The following DNAJC3 variants were observed in gnomAD, a reference collection of about 807,000 sequenced individuals.
DNAJC3 encodes the protein dnaJ homolog subfamily C member 3.
A neutral mutation model predicts 68.6 loss-of-function variants in DNAJC3; 38 were observed. That is an observed-to-expected ratio of 0.55 (90% CI 0.43 to 0.73). The LOEUF is 0.73. Ranked by LOEUF, DNAJC3 falls within the 30% of genes least tolerant of loss-of-function variation. The pLI is 0.00. For synonymous variants in DNAJC3, 203 were observed against 204.0 expected (o/e 1.00, Z 0.04); for missense variants, 526 against 591.9 (o/e 0.89, Z 1.16).
At chr13:95,764,545 C>T (rs1171072344) in intron 9 of DNAJC3, among the ~76,000 whole-genome samples, 3 of 148,144 alleles carry the variant, frequency 2.0e-5, no homozygotes, top group Non-Finnish European at 4.5e-5. Context: ...ACAAGAGATT[C>T]CTGCCAGATG....
At chr13:95,699,704 G>A (rs574320554) in intron 1 of DNAJC3, among the ~76,000 whole-genome samples, 2 of 152,164 alleles carry the variant, frequency 1.3e-5, no homozygotes, top group East Asian at 1.9e-4. Context: ...TATGAAAGAC[G>A]TTTACTTCCT....
intron 4 of DNAJC3, among the ~76,000 whole-genome samples, chr13:95,731,901 A>ATTTT (rs777968421): frequency 1.6e-5 from 2 of 123,944 alleles, no homozygotes; most frequent in African/African-American, 3.2e-5. Flanking sequence ...CGCCTGGCTA[A>ATTTT]TTTTTTTTTT....
chr13:95,777,247 G>A (rs938635754), intron 9 of DNAJC3, among the ~76,000 whole-genome samples: 24 of 152,242 alleles, frequency 1.6e-4, no homozygotes, highest in African/African-American at 5.8e-4. Flanking sequence ...CTAATGTTAT[G>A]GAAAACCTGG....
chr13:95,701,108 G>T (rs1880574831), intron 1 of DNAJC3, among the ~76,000 whole-genome samples: 1 of 152,086 alleles, frequency 6.6e-6, no homozygotes, highest in South Asian at 2.1e-4. Flanking sequence ...CAGGTTTCAG[G>T]TGAGCCTTCA....
At chr13:95,736,958 T>A (rs1388681003) in intron 4 of DNAJC3, among the ~76,000 whole-genome samples, 1 of 151,340 alleles carries the variant, frequency 6.6e-6, no homozygotes, top group Non-Finnish European at 1.5e-5. Flanking sequence ...GCTGTGGGTT[T>A]GTCATAGATA....
Position 95,737,172 on chromosome 13 carries a change from C to A in DNAJC3, c.393+11920C>A, listed in dbSNP as rs1458043936. On this transcript the variant is annotated intron_variant, in intron 4 of 11. Coordinates refer to ENST00000602402, the MANE Select transcript of DNAJC3 (RefSeq NM_006260.5). ...AGCCTTGCATCCCAGGGATGAAGCC[C>A]ACTTGATCATGGTGGAGAAGCTTTT... 2.0e-5 allele frequency among the ~76,000 whole-genome samples: 3 copies of A among 150,992 alleles called. No homozygotes were observed. The South Asian group carries it at 6.3e-4, about 32-fold the overall frequency.
intron 3 of DNAJC3, 75 bp downstream of exon 3, chr13:95,723,441 G>A: frequency 1.3e-6 from 2 of 1,501,452 alleles, no homozygotes; most frequent in Non-Finnish European, 9.0e-7. Context: ...CATAAGGTGA[G>A]GACTGGCATG....
chr13:95,680,051 G>A (rs1870723176), intron 1 of DNAJC3, among the ~76,000 whole-genome samples: 1 of 152,206 alleles, frequency 6.6e-6, no homozygotes. Context: ...GTTTGAAAGA[G>A]TGAAGTCTAA....
chr13:95,739,767 G>A (rs1468813359), intron 4 of DNAJC3, among the ~76,000 whole-genome samples: 6 of 151,786 alleles, frequency 4.0e-5, no homozygotes, highest in South Asian at 2.1e-4. Context: ...ATGTCCTCCC[G>A]TAGCTCAGAG....
intron 9 of DNAJC3, among the ~76,000 whole-genome samples, chr13:95,767,846 C>T (rs1883040813): frequency 6.6e-6 from 1 of 151,404 alleles, no homozygotes; most frequent in African/African-American, 2.4e-5. Flanking sequence ...TGCACCACCA[C>T]ACCTGGCTTT....
At chr13:95,682,518 A>G (rs1879946493) in intron 1 of DNAJC3, among the ~76,000 whole-genome samples, 2 of 152,278 alleles carry the variant, frequency 1.3e-5, no homozygotes, top group South Asian at 4.1e-4. Context: ...CCAAAATATA[A>G]GATATTCTAA....
At chr13:95,779,420 G>A (rs887680803) in intron 9 of DNAJC3, among the ~76,000 whole-genome samples, 6 of 152,106 alleles carry the variant, frequency 3.9e-5, no homozygotes, top group East Asian at 1.9e-4. Flanking sequence ...CATCGCGCCC[G>A]GCCTAATATT....
chr13:95,705,744 G>A (rs1446222479), intron 1 of DNAJC3, among the ~76,000 whole-genome samples: 1 of 151,992 alleles, frequency 6.6e-6, no homozygotes, highest in African/African-American at 2.4e-5. Flanking sequence ...TCATTATGTT[G>A]CCCGGGCTGC....
chr13:95,760,805 A>C lies in DNAJC3; in HGVS notation c.848+7A>C. 3 of 1,609,592 alleles carry C rather than the reference A, an allele frequency of 1.9e-6. No individual in the cohort carries two copies. Among genetic ancestry groups the C allele is most frequent in the East Asian group, 4.5e-5 (2 of 44,634 alleles). On this transcript the variant is annotated splice_region_variant and intron_variant, in intron 7 of 11. Coordinates refer to ENST00000602402, the MANE Select transcript of DNAJC3 (RefSeq NM_006260.5). ...AGCTCATCAGAGATGGCAGGTGAGA[A>C]TATGGTTGTTCCAACTGTCCAGCCA...
chr13:95,709,086 C>G (rs1880862901), intron 1 of DNAJC3, 141 bp from the exon 2 acceptor site: 1 of 518,916 alleles, frequency 1.9e-6, no homozygotes, highest in African/African-American at 2.0e-5. Context: ...ATGTTACGTT[C>G]TTTACATCAT....
rs538797336 is a variant in DNAJC3 at position 95,718,640 on chromosome 13, A to C, written c.194-4602A>C. ...GGTCTCGAACTCCTGGCCTCAAGTG[A>C]TCCACCCGCCTTGGCCTCCCAAAAT... On this transcript the variant is annotated intron_variant, in intron 2 of 11. Coordinates refer to ENST00000602402, the MANE Select transcript of DNAJC3 (RefSeq NM_006260.5). 5.1e-4 allele frequency among the ~76,000 whole-genome samples: 78 copies of C among 152,300 alleles called. 1 individual carries two copies. The highest frequency in any genetic ancestry group is 8.8e-4 in the Non-Finnish European group (60 of 68,030).
intron 4 of DNAJC3, among the ~76,000 whole-genome samples, chr13:95,727,460 T>C (rs1881568417): frequency 6.6e-6 from 1 of 152,248 alleles, no homozygotes; most frequent in East Asian, 1.9e-4. Flanking sequence ...AAGCAAACTA[T>C]TTTTTTAGCT....
intron 1 of DNAJC3, among the ~76,000 whole-genome samples, chr13:95,685,058 A>G (rs1880034791): frequency 6.6e-6 from 1 of 152,226 alleles, no homozygotes; most frequent in African/African-American, 2.4e-5. Flanking sequence ...TGCCTAGTGG[A>G]GCTGTGAGAA....
At chr13:95,696,574 A>G (rs1007537637) in intron 1 of DNAJC3, among the ~76,000 whole-genome samples, 4 of 152,222 alleles carry the variant, frequency 2.6e-5, no homozygotes, top group African/African-American at 9.7e-5. Flanking sequence ...TTTTTAAAAA[A>G]AAATTTTAAA....
Sources: allele counts gnomAD v4.1 joint callset (sites outside exome capture counted in the v4.1 genomes callset), GRCh38; gene constraint gnomAD v4.1.1; transcripts MANE v1.5; gene names NCBI Gene and HGNC (gene_info 2026-07-23, HGNC 2026-07-21).